TTLL13: variants seen among roughly 807,000 people sequenced by gnomAD.
The protein encoded by TTLL13 is tubulin tyrosine ligase like 13.
At chr15:90,261,915 C>T in the TTLL13 span, 2 of 1,083,746 alleles carry the variant, frequency 1.8e-6, no homozygotes, top group Non-Finnish European at 2.5e-6. Context: ...AAGAAGCCAG[C>T]AGGAGGGTCT....
At chr15:90,263,724 T>G in the TTLL13 span, 1 of 665,270 alleles carries the variant, frequency 1.5e-6, no homozygotes, top group Non-Finnish European at 2.8e-6. Context: ...GGTAAGGGGC[T>G]GCTCTTCTCC....
the TTLL13 span, chr15:90,257,947 T>G: frequency 7.9e-7 from 1 of 1,259,562 alleles, no homozygotes; most frequent in East Asian, 2.4e-5. Flanking sequence ...AGCCCGGGCA[T>G]GCAATTAGCG....
At chr15:90,256,209 G>A in the TTLL13 span, 3 of 1,614,182 alleles carry the variant, frequency 1.9e-6, no homozygotes, top group Non-Finnish European at 2.5e-6. Flanking sequence ...CCAGACAGTG[G>A]CTGTCAGGGA....
the TTLL13 span, among the ~76,000 whole-genome samples, chr15:90,254,858 A>G: frequency 2.1e-5 from 3 of 143,100 alleles, no homozygotes; most frequent in East Asian, 1.9e-4. Context: ...GGAAGGGGGA[A>G]AAAAAAAGGA....
the TTLL13 span, among the ~76,000 whole-genome samples, chr15:90,256,834 C>T: frequency 4.6e-5 from 7 of 152,120 alleles, no homozygotes; most frequent in African/African-American, 1.7e-4. Context: ...ATCACAGGCA[C>T]CTGCCACCAC....
At chr15:90,264,837 C>G in the TTLL13 span, 2 of 1,536,030 alleles carry the variant, frequency 1.3e-6, no homozygotes, top group Non-Finnish European at 8.7e-7. Flanking sequence ...GCATCTGACT[C>G]ATGGACTGAA....
At chr15:90,262,072 G>T in the TTLL13 span, 2,032 of 1,536,028 alleles carry the variant, frequency 1.3e-3, 27 homozygotes, top group African/African-American at 0.025. Flanking sequence ...ATTCTCACCT[G>T]GGAAAATACC....
At chr15:90,254,247 C>A in the TTLL13 span, among the ~76,000 whole-genome samples, 1 of 148,348 alleles carries the variant, frequency 6.7e-6, no homozygotes, top group Non-Finnish European at 1.5e-5. Flanking sequence ...GTAATCCCAA[C>A]TCTTTGGGAG....
At chr15:90,251,131 T>TTTTTTTTTTTTA in the TTLL13 span, among the ~76,000 whole-genome samples, 2 of 145,570 alleles carry the variant, frequency 1.4e-5, no homozygotes, top group Admixed American at 6.9e-5. Flanking sequence ...TTTTTTTTTT[T>TTTTTTTTTTTTA]GAGACAGAGT....
chr15:90,258,812 G>A, the TTLL13 span: 6 of 1,614,202 alleles, frequency 3.7e-6, no homozygotes, highest in African/African-American at 8.0e-5. Context: ...ACTTCTCTGT[G>A]ATGCTATGAC....
the TTLL13 span, chr15:90,257,567 A>C: frequency 7.1e-7 from 1 of 1,415,206 alleles, no homozygotes; most frequent in Non-Finnish European, 9.9e-7. Flanking sequence ...GGGAGCAACA[A>C]GGTAATGAAG....
the TTLL13 span, among the ~76,000 whole-genome samples, chr15:90,261,381 T>C: frequency 2.2e-5 from 1 of 46,126 alleles, no homozygotes; most frequent in Non-Finnish European, 4.4e-5. Context: ...GCCCGGCCAC[T>C]TTTTTTTTTT....
chr15:90,263,635 A>T, the TTLL13 span: 2 of 598,422 alleles, frequency 3.3e-6, no homozygotes, highest in African/African-American at 1.9e-5. Context: ...ATCTGGTTAA[A>T]TAGTGGCCGC....
At chr15:90,252,236 C>T in the TTLL13 span, among the ~76,000 whole-genome samples, 12 of 152,208 alleles carry the variant, frequency 7.9e-5, no homozygotes, top group African/African-American at 2.9e-4. Context: ...AGAGTTTCTC[C>T]ATGTTGGCCA....
the TTLL13 span, chr15:90,253,383 C>A: frequency 8.8e-6 from 14 of 1,595,358 alleles, no homozygotes; most frequent in South Asian, 1.1e-5. Context: ...CATCTCCTGA[C>A]CTGAGAGCCG....
the TTLL13 span, among the ~76,000 whole-genome samples, chr15:90,252,821 G>A: frequency 1.3e-5 from 2 of 152,076 alleles, no homozygotes; most frequent in African/African-American, 4.8e-5. Context: ...TGGCCAACAT[G>A]GTAAAACCCC....
At chr15:90,263,869 G>A in the TTLL13 span, 1 of 979,264 alleles carries the variant, frequency 1.0e-6, no homozygotes, top group South Asian at 1.4e-5. Flanking sequence ...TCTGCCCCAT[G>A]AATCAATCCC....
chr15:90,265,428 C>A, the TTLL13 span: 2 of 1,292,120 alleles, frequency 1.5e-6, no homozygotes, highest in Non-Finnish European at 2.0e-6. Context: ...GGCGGAGGGA[C>A]GGCTCTTGGA....
the TTLL13 span, chr15:90,259,153 TA>T: frequency 1.0e-6 from 1 of 969,900 alleles, no homozygotes; most frequent in African/African-American, 1.7e-5. Flanking sequence ...GCTTGAGCCC[TA>T]GAGTTCAACA....
Sources: gnomAD v4.1 joint callset for allele counts (sites outside exome capture counted in the v4.1 genomes callset) on GRCh38, gnomAD v4.1.1 for gene constraint, MANE v1.5 for transcripts, NCBI Gene and HGNC (gene_info 2026-07-23, HGNC 2026-07-21) for gene names.